The following NCOA7 variants were observed in gnomAD, a reference collection of about 807,000 sequenced individuals.
NCOA7 encodes nuclear receptor coactivator 7, also known as 140 kDa estrogen receptor-associated protein.
In NCOA7, 45 loss-of-function variants were observed where a neutral mutation model predicts 104.3. The observed-to-expected ratio is 0.43, with a 90% CI of 0.34 to 0.55. The LOEUF is 0.55. NCOA7 is among the 20% of genes least tolerant of loss of function. The pLI is 0.02. For synonymous variants in NCOA7, 398 were observed against 402.3 expected (o/e 0.99, Z 0.13); for missense variants, 1,041 against 1,119.7 (o/e 0.93, Z 1.00).
At position 125,882,464 on chromosome 6, in the gene NCOA7, A is replaced by T; in HGVS notation, c.612A>T (p.Glu204Asp). ...DLARKALKPIERVLSSTSEED... is the reference protein window; with the variant it reads ...DLARKALKPIDRVLSSTSEED... ...CACGAAAGGCCTTGAAACCCATTGA[A>T]AGAGTCTTATCGTCTACTTCTGAAG... The change falls in exon 7 of 16, where the codon GAA (glutamate) becomes GAT (aspartate). Residue 204 changes from glutamate to aspartate, a missense_variant. This residue lies in a region of NCOA7 where 914 missense variants were observed against 942.7 expected (regional missense o/e 0.97). Transcript: ENST00000392477. 1 of 1,613,772 alleles carries T rather than the reference A, an allele frequency of 6.2e-7. No individual in the cohort carries two copies. Among genetic ancestry groups the T allele is most frequent in the African/African-American group, 1.3e-5 (1 of 75,040 alleles).
At position 125,874,978 on chromosome 6, in the gene NCOA7, A is replaced by C. The variant is rs754535186; in HGVS notation, c.351+10A>C. On this transcript the variant is annotated intron_variant, in intron 4 of 15. Coordinates refer to ENST00000392477, the MANE Select transcript of NCOA7 (RefSeq NM_181782.5). ...GACTATGGAATACACTGTGAGTATA[A>C]CCAAGGTGGTATAAATGTTTGTTAA... 6 of 1,598,200 alleles carry C rather than the reference A, an allele frequency of 3.8e-6. No individual in the cohort carries two copies. In the South Asian group the frequency reaches 6.6e-5, roughly 18 times the overall value.
At chr6:125,839,427 G>T (rs2128601938) in intron 2 of NCOA7, among the ~76,000 whole-genome samples, 1 of 151,188 alleles carries the variant, frequency 6.6e-6, no homozygotes, top group East Asian at 1.9e-4. Flanking sequence ...CTAGGCCTTA[G>T]TGATTTAACT....
In NCOA7 at chr6:125,805,087, C is replaced by CTTTTT. The variant is rs59737297; in HGVS notation, c.-64-10180_-64-10176dup. On this transcript the variant is annotated intron_variant, in intron 1 of 15. Transcript: ENST00000392477. ...ATAAAGCTGGGTTCACCCTCTTGTTCTTTTTTTTTTTTTTTTTTTTTTTTT... is the reference window on the plus strand; with the variant it reads ...ATAAAGCTGGGTTCACCCTCTTGTTCTTTTTTTTTTTTTTTTTTTTTTTTTTTTTT... Among the ~76,000 whole-genome samples the CTTTTT allele has an allele frequency of 5.3e-4, 31 of 58,042 alleles. 5 individuals carry two copies. Among genetic ancestry groups the CTTTTT allele is most frequent in the African/African-American group, 1.4e-3 (23 of 16,250 alleles). 38.1% of individuals were successfully genotyped at this position (58,042 alleles called of 152,430 possible).
chr6:125,901,479 C>T (rs1785494215), intron 10 of NCOA7, among the ~76,000 whole-genome samples: 1 of 152,200 alleles, frequency 6.6e-6, no homozygotes, highest in Admixed American at 6.5e-5. Flanking sequence ...ATCACCTTTA[C>T]TCAGCTGCTG....
intron 2 of NCOA7, among the ~76,000 whole-genome samples, chr6:125,844,358 T>G (rs1780418493): frequency 6.6e-6 from 1 of 152,162 alleles, no homozygotes; most frequent in African/African-American, 2.4e-5. Flanking sequence ...GTGGGAAGAA[T>G]CTCATTATCA....
intron 2 of NCOA7, among the ~76,000 whole-genome samples, chr6:125,854,653 T>C (rs1297883285): frequency 6.6e-6 from 1 of 152,238 alleles, no homozygotes; most frequent in African/African-American, 2.4e-5. Flanking sequence ...AAACATTTTC[T>C]TAAAATGTAA....
chr6:125,917,108 A>G (rs891289376), intron 11 of NCOA7, among the ~76,000 whole-genome samples: 6 of 151,350 alleles, frequency 4.0e-5, no homozygotes, highest in African/African-American at 1.5e-4. Context: ...CCCACCTGTT[A>G]GAATAACTAC....
rs375443499 is a variant in NCOA7 at position 125,826,350 on chromosome 6, G to A, written c.50+10946G>A. 2.6e-3 allele frequency among the ~76,000 whole-genome samples: 375 copies of A among 146,912 alleles called. 2 individuals carry two copies. The highest frequency in any genetic ancestry group is 8.7e-3 in the African/African-American group (348 of 40,144). ...CGTCTCTAAAAGAAAAAAAAAAAAA[G>A]CGCATTATTTTAATGAATCATTTAA... On this transcript the variant is annotated intron_variant, in intron 2 of 15. Coordinates refer to ENST00000392477, the MANE Select transcript of NCOA7 (RefSeq NM_181782.5).
intron 1 of NCOA7, among the ~76,000 whole-genome samples, chr6:125,791,824 CTG>C (rs1447482749): frequency 3.9e-5 from 6 of 152,140 alleles, no homozygotes; most frequent in Admixed American, 3.9e-4. Context: ...ATGTTATGCT[CTG>C]TATTTCTCAG....
chr6:125,830,174 C>T (rs1779041626), intron 2 of NCOA7, among the ~76,000 whole-genome samples: 1 of 152,048 alleles, frequency 6.6e-6, no homozygotes, highest in South Asian at 2.1e-4. Context: ...CTATTTATTC[C>T]TTGTTACTTC....
At chr6:125,877,483 A>G (rs761658784) in intron 4 of NCOA7, among the ~76,000 whole-genome samples, 2 of 152,140 alleles carry the variant, frequency 1.3e-5, no homozygotes, top group Non-Finnish European at 2.9e-5. Flanking sequence ...CTGATCAGGG[A>G]GTTTGTCCTG....
chr6:125,885,907 T>C (rs929596575), intron 8 of NCOA7, among the ~76,000 whole-genome samples: 12 of 152,118 alleles, frequency 7.9e-5, no homozygotes, highest in Admixed American at 7.2e-4. Context: ...TCAGTCCTGA[T>C]TACTTTTGCC....
chr6:125,927,513 A>G, intron 13 of NCOA7, 150 bp from the exon 14 acceptor site: 1 of 631,304 alleles, frequency 1.6e-6, no homozygotes. Context: ...TTATTCTTTT[A>G]TTGGTGGTCT....
intron 2 of NCOA7, among the ~76,000 whole-genome samples, chr6:125,844,686 T>A (rs1780444941): frequency 6.6e-6 from 1 of 152,240 alleles, no homozygotes; most frequent in Non-Finnish European, 1.5e-5. Flanking sequence ...TATTGATGAC[T>A]AAATTCATAG....
chr6:125,898,106 A>G (rs1310774152), intron 10 of NCOA7, among the ~76,000 whole-genome samples: 3 of 151,210 alleles, frequency 2.0e-5, no homozygotes, highest in Non-Finnish European at 4.4e-5. Context: ...GGATTTTTCA[A>G]CTCTCTTTCT....
chr6:125,895,171 A>C (rs1444943662), intron 10 of NCOA7, among the ~76,000 whole-genome samples: 2 of 152,082 alleles, frequency 1.3e-5, no homozygotes, highest in African/African-American at 4.8e-5. Flanking sequence ...TAATCTCTGA[A>C]ATGTTTTATA....
chr6:125,909,977 G>A (rs1221546184), intron 10 of NCOA7, among the ~76,000 whole-genome samples: 1 of 152,130 alleles, frequency 6.6e-6, no homozygotes, highest in Non-Finnish European at 1.5e-5. Flanking sequence ...AGACTGGAGA[G>A]ACTAATGCTA....
chr6:125,815,424 A>C lies in NCOA7; in HGVS notation c.50+20A>C. 6.2e-7 allele frequency: 1 copy of C among 1,600,114 alleles called. No individual in the cohort carries two copies. On this transcript the variant is annotated intron_variant, in intron 2 of 15. Coordinates refer to ENST00000392477, the MANE Select transcript of NCOA7 (RefSeq NM_181782.5). ...TGCTCGGTAAGCATTCATTTTACAA[A>C]ATTGTTATCAGTACTTTAAAGAAAT... is the stretch of plus-strand genomic sequence containing the variant.
chr6:125,898,387 A>G (rs1325700628), intron 10 of NCOA7, among the ~76,000 whole-genome samples: 1 of 152,124 alleles, frequency 6.6e-6, no homozygotes, highest in African/African-American at 2.4e-5. Flanking sequence ...GAGAATTTCT[A>G]CTCTTAAAAA....
Sources: allele counts gnomAD v4.1 joint callset (sites outside exome capture counted in the v4.1 genomes callset), GRCh38; gene constraint gnomAD v4.1.1; regional missense constraint gnomAD v4.1.1; transcripts MANE v1.5; gene names NCBI Gene and HGNC (gene_info 2026-07-23, HGNC 2026-07-21).